The following KCNU1 variants were observed in gnomAD, a reference collection of about 807,000 sequenced individuals.
The protein encoded by KCNU1 is potassium channel subfamily U member 1.
A neutral mutation model predicts 126.8 loss-of-function variants in KCNU1; 93 were observed. The observed-to-expected ratio is 0.73, with a 90% CI of 0.62 to 0.87. The LOEUF (loss-of-function observed/expected upper bound fraction) is 0.87. KCNU1 is among the 40% of genes least tolerant of loss of function. The pLI is 0.00. For synonymous variants in KCNU1, 523 were observed against 494.2 expected (o/e 1.06, Z -0.77); for missense variants, 1,330 against 1,367.1 (o/e 0.97, Z 0.43).
At chr8:36,885,382 C>T (rs1806657106) in intron 19 of KCNU1, among the ~76,000 whole-genome samples, 1 of 151,918 alleles carries the variant, frequency 6.6e-6, no homozygotes, top group Admixed American at 6.6e-5. Context: ...TGATGAAACC[C>T]CGTCTTTAGT....
At chr8:36,928,066 G>A (rs1017649148) in intron 24 of KCNU1, among the ~76,000 whole-genome samples, 3 of 151,896 alleles carry the variant, frequency 2.0e-5, no homozygotes, top group Non-Finnish European at 4.4e-5. Flanking sequence ...TAGAAAGAAA[G>A]AGATATTGAG....
intron 10 of KCNU1, among the ~76,000 whole-genome samples, chr8:36,821,605 G>C (rs1418225125): frequency 6.6e-6 from 1 of 152,166 alleles, no homozygotes; most frequent in Non-Finnish European, 1.5e-5. Flanking sequence ...TTTTGTACAA[G>C]GGAGGGATGT....
At chr8:36,869,828 T>C (rs1000957669) in intron 19 of KCNU1, among the ~76,000 whole-genome samples, 1 of 152,170 alleles carries the variant, frequency 6.6e-6, no homozygotes, top group African/African-American at 2.4e-5. Flanking sequence ...CCCTCTGCCG[T>C]CATGTCTCTG....
chr8:36,829,944 A>G (rs895474550), intron 10 of KCNU1, among the ~76,000 whole-genome samples: 3 of 150,810 alleles, frequency 2.0e-5, no homozygotes, highest in African/African-American at 7.3e-5. Flanking sequence ...TAAATTTTGT[A>G]TATTAGTCTT....
chr8:36,923,910 C>G (rs1006089916), intron 24 of KCNU1, among the ~76,000 whole-genome samples: 25 of 152,310 alleles, frequency 1.6e-4, no homozygotes, highest in African/African-American at 6.0e-4. Context: ...TTAAGACTTG[C>G]CTGGGTCTGT....
At chr8:36,872,195 A>G (rs2117367457) in intron 19 of KCNU1, among the ~76,000 whole-genome samples, 1 of 152,332 alleles carries the variant, frequency 6.6e-6, no homozygotes, top group South Asian at 2.1e-4. Flanking sequence ...ACAGAAGAAT[A>G]AAATATTAAC....
At chr8:36,825,439 C>G (rs777135625) in intron 10 of KCNU1, among the ~76,000 whole-genome samples, 1 of 152,164 alleles carries the variant, frequency 6.6e-6, no homozygotes, top group Non-Finnish European at 1.5e-5. Context: ...AGTTTTATGA[C>G]AAATTTCATT....
intron 10 of KCNU1, among the ~76,000 whole-genome samples, chr8:36,829,927 A>G (rs1804468360): frequency 1.3e-5 from 2 of 150,980 alleles, no homozygotes; most frequent in South Asian, 4.1e-4. Flanking sequence ...TACAGGAAAA[A>G]CACAATTAAA....
chr8:36,887,121 T>G (rs1321763179), intron 19 of KCNU1, among the ~76,000 whole-genome samples: 1 of 151,974 alleles, frequency 6.6e-6, no homozygotes, highest in Non-Finnish European at 1.5e-5. Context: ...TGTGCAGGGG[T>G]CTTTTTGACA....
In KCNU1 at chr8:36,824,394, A is replaced by G. The variant is rs539868683; in HGVS notation, c.1106+6634A>G. 2.6e-5 allele frequency among the ~76,000 whole-genome samples: 4 copies of G among 152,290 alleles called. No individual in the cohort carries two copies. In the South Asian group the frequency reaches 8.3e-4, roughly 32 times the overall value. The stretch of plus-strand genomic sequence containing the variant: ...TTTATTACAGCATATTGTTATAATT[A>G]TTCTATTTCATTATTTGTTTTTATT... On this transcript the variant is annotated intron_variant, in intron 10 of 26. Transcript: ENST00000399881.
chr8:36,787,998 G>C (rs1278203713), intron 2 of KCNU1, among the ~76,000 whole-genome samples: 1 of 151,676 alleles, frequency 6.6e-6, no homozygotes, highest in Non-Finnish European at 1.5e-5. Context: ...ATGCAGATGG[G>C]TGTGCACATA....
intron 3 of KCNU1, 75 bp downstream of exon 3, chr8:36,804,163 G>C (rs893343230): frequency 1.8e-5 from 17 of 927,110 alleles, no homozygotes; most frequent in Non-Finnish European, 2.7e-5. Context: ...TTCTCCTCAG[G>C]AATAATGCTT....
chr8:36,813,427 A>G (rs536588195), intron 7 of KCNU1, among the ~76,000 whole-genome samples: 1 of 152,002 alleles, frequency 6.6e-6, no homozygotes, highest in East Asian at 1.9e-4. Flanking sequence ...TGAGGAGAAA[A>G]AAAGGTCTAA....
At chr8:36,912,933 A>T (rs1389000841) in intron 22 of KCNU1, among the ~76,000 whole-genome samples, 1 of 125,980 alleles carries the variant, frequency 7.9e-6, no homozygotes, top group East Asian at 2.5e-4. Flanking sequence ...GTGCCACTGC[A>T]CTCCAGTCTG....
chr8:36,861,495 A>G (rs1805728473), intron 18 of KCNU1, among the ~76,000 whole-genome samples: 1 of 152,188 alleles, frequency 6.6e-6, no homozygotes, highest in African/African-American at 2.4e-5. Context: ...TAAATAAATA[A>G]GGAATAGATA....
At chr8:36,796,208 G>A (rs910318719) in intron 2 of KCNU1, among the ~76,000 whole-genome samples, 3 of 152,144 alleles carry the variant, frequency 2.0e-5, no homozygotes, top group African/African-American at 7.2e-5. Context: ...TTCGATTGGG[G>A]ATAGAGTGGC....
chr8:36,882,293 A>G (rs1306304557), intron 19 of KCNU1, among the ~76,000 whole-genome samples: 2 of 152,222 alleles, frequency 1.3e-5, no homozygotes, highest in African/African-American at 4.8e-5. Context: ...CAAAGTTCAC[A>G]GCGTTGCTCC....
At chr8:36,873,404 A>G (rs1213016094) in intron 19 of KCNU1, among the ~76,000 whole-genome samples, 2 of 152,176 alleles carry the variant, frequency 1.3e-5, no homozygotes, top group African/African-American at 4.8e-5. Flanking sequence ...TCCTCAACTT[A>G]GCATCAAATA....
At chr8:36,856,923 T>C (rs1162577919) in intron 18 of KCNU1, among the ~76,000 whole-genome samples, 2 of 152,336 alleles carry the variant, frequency 1.3e-5, no homozygotes, top group African/African-American at 4.8e-5. Flanking sequence ...AAAATCACTG[T>C]TGTCAAAAAG....
Sources: gnomAD v4.1 joint callset for allele counts (sites outside exome capture counted in the v4.1 genomes callset) on GRCh38, gnomAD v4.1.1 for gene constraint, MANE v1.5 for transcripts, NCBI Gene and HGNC (gene_info 2026-07-23, HGNC 2026-07-21) for gene names.